The following SERPINB11 variants were observed in gnomAD, a reference collection of about 807,000 sequenced individuals.
SERPINB11 encodes the protein serpin B11.
SERPINB11 carries 32 observed loss-of-function variants against 36.7 expected under a neutral mutation model. That is an observed-to-expected ratio of 0.87 (90% CI 0.66 to 1.17). The LOEUF (loss-of-function observed/expected upper bound fraction) is 1.17, where lower values mean the gene tolerates loss of function less well. Among genes scored for constraint, SERPINB11 ranks in the 50% most tolerant of loss-of-function variants. The pLI, the probability that SERPINB11 is intolerant of heterozygous loss-of-function variation, is 0.00. For synonymous variants in SERPINB11, 174 were observed against 168.1 expected (o/e 1.04, Z -0.27); for missense variants, 528 against 458.4 (o/e 1.15, Z -1.39).
At chr18:63,722,727 G>A (rs1459131179) in intron 7 of SERPINB11, among the ~76,000 whole-genome samples, 1 of 152,212 alleles carries the variant, frequency 6.6e-6, no homozygotes, top group Admixed American at 6.5e-5. Flanking sequence ...GAAGTGCAGT[G>A]AAGCATGTAT....
chr18:63,718,480 G>C (rs959192774), intron 5 of SERPINB11, among the ~76,000 whole-genome samples: 22 of 151,882 alleles, frequency 1.4e-4, no homozygotes, highest in Admixed American at 1.3e-3. Flanking sequence ...ATTTTCCTAT[G>C]TTGAAGTTTT....
chr18:63,712,825 T>A, intron 4 of SERPINB11, 132 bp downstream of exon 4: 1 of 1,027,176 alleles, frequency 9.7e-7, no homozygotes, highest in Admixed American at 2.4e-5. Flanking sequence ...TAACTTACAG[T>A]TTCAGTGAAA....
At chr18:63,714,503 T>G (rs1914615178) in intron 4 of SERPINB11, among the ~76,000 whole-genome samples, 1 of 152,156 alleles carries the variant, frequency 6.6e-6, no homozygotes, top group African/African-American at 2.4e-5. Flanking sequence ...ATTTCATCCC[T>G]TATCTACAAC....
intron 1 of SERPINB11, among the ~76,000 whole-genome samples, chr18:63,709,758 T>C (rs1167471216): frequency 6.6e-6 from 1 of 152,122 alleles, no homozygotes; most frequent in Non-Finnish European, 1.5e-5. Context: ...CAAAAGCGGG[T>C]AGTCTAGTGG....
intron 7 of SERPINB11, among the ~76,000 whole-genome samples, chr18:63,721,901 T>G (rs912743962): frequency 4.2e-4 from 64 of 152,226 alleles, no homozygotes; most frequent in African/African-American, 1.5e-3. Context: ...CCTAAGGGCC[T>G]GTGGTTGACT....
intron 1 of SERPINB11, among the ~76,000 whole-genome samples, chr18:63,709,489 TAGTC>T (rs1239382237): frequency 6.6e-6 from 1 of 152,006 alleles, no homozygotes; most frequent in African/African-American, 2.4e-5. Flanking sequence ...CAGGCGCCTG[TAGTC>T]CCAGCTACTC....
chr18:63,723,477 C>A lies in SERPINB11; in HGVS notation c.*78C>A. The A allele has an allele frequency of 7.5e-7, 1 of 1,334,972 alleles. No individual in the cohort carries two copies. The allele number at this position is 1,334,972 out of a possible 1,614,324, so 82.7% of individuals were successfully genotyped here. On this transcript the variant is annotated 3_prime_UTR_variant, in exon 8 of 8. Transcript: ENST00000544088. Reference sequence around the variant, plus strand: ...CTGTGACTTTCCCACGGCCAAAAAGCTGTTCACACCTCACACACCTCTGTG... The same window carrying A: ...CTGTGACTTTCCCACGGCCAAAAAGATGTTCACACCTCACACACCTCTGTG...
intron 2 of SERPINB11, 24 bp downstream of exon 2, chr18:63,710,385 T>C: frequency 6.3e-7 from 1 of 1,590,644 alleles, no homozygotes; most frequent in East Asian, 2.3e-5. Flanking sequence ...CAGAGGTTTG[T>C]TCAGAACCCA....
At chr18:63,711,290 T>G in intron 2 of SERPINB11, 45 bp from the exon 3 acceptor site, 1 of 1,313,826 alleles carries the variant, frequency 7.6e-7, no homozygotes, top group Non-Finnish European at 1.1e-6. Flanking sequence ...TTATAGACTG[T>G]ACATTGCTTC....
chr18:63,722,377 G>T (rs1196170532), intron 7 of SERPINB11, among the ~76,000 whole-genome samples: 5 of 152,124 alleles, frequency 3.3e-5, no homozygotes, highest in Admixed American at 6.6e-5. Flanking sequence ...CGTTTGAAAG[G>T]TTTACAAACA....
At position 63,710,184 on chromosome 18, in the gene SERPINB11, C is replaced by T. The variant is rs374468787; in HGVS notation, c.-10C>T. ...TTTTTCCCTTCTGTTCTCAGGCAGT[C>T]GGCATAAAAATGGGTTCTCTCAGCA... On this transcript the variant is annotated 5_prime_UTR_variant, in exon 2 of 8. Coordinates refer to ENST00000544088, the MANE Select transcript of SERPINB11 (RefSeq NM_001370475.1). 4.1e-5 allele frequency: 65 copies of T among 1,598,518 alleles called. No homozygotes were observed. In the African/African-American group the frequency reaches 4.6e-4, roughly 11 times the overall value.
At chr18:63,704,875 C>G (rs961449654) in intron 1 of SERPINB11, among the ~76,000 whole-genome samples, 2 of 152,134 alleles carry the variant, frequency 1.3e-5, no homozygotes, top group East Asian at 3.9e-4. Flanking sequence ...TGCTGATATT[C>G]ATCATGGCAC....
At chr18:63,716,795 C>A (rs1309444605) in intron 5 of SERPINB11, among the ~76,000 whole-genome samples, 3 of 149,366 alleles carry the variant, frequency 2.0e-5, no homozygotes, top group Middle Eastern at 3.2e-3. Flanking sequence ...CCAGTTGGCT[C>A]TTTTTTTTTT....
At chr18:63,712,723 C>G in intron 4 of SERPINB11, 30 bp downstream of exon 4, 3 of 1,601,090 alleles carry the variant, frequency 1.9e-6, no homozygotes. Flanking sequence ...TGATCAACAA[C>G]TTTCTTGGCG....
chr18:63,709,791 C>T (rs1289387334), intron 1 of SERPINB11, among the ~76,000 whole-genome samples: 2 of 152,018 alleles, frequency 1.3e-5, no homozygotes, highest in Non-Finnish European at 2.9e-5. Context: ...ACTGGCTGAT[C>T]GTGTGTAGCT....
intron 5 of SERPINB11, among the ~76,000 whole-genome samples, chr18:63,718,153 G>A (rs937986596): frequency 4.6e-5 from 7 of 151,772 alleles, no homozygotes; most frequent in South Asian, 4.1e-4. Flanking sequence ...TCTTTCATTC[G>A]TCAATTTGTT....
intron 6 of SERPINB11, 158 bp downstream of exon 6, chr18:63,720,313 T>A: frequency 1.5e-6 from 1 of 672,640 alleles, no homozygotes; most frequent in Non-Finnish European, 2.4e-6. Flanking sequence ...TTTCCTTTAT[T>A]AAGTGACAAT....
chr18:63,721,932 G>A (rs1395264), intron 7 of SERPINB11, among the ~76,000 whole-genome samples: 1,868 of 152,300 alleles, frequency 0.012, 22 homozygotes, highest in African/African-American at 0.034. Context: ...ACATTTGGAG[G>A]CATAATGCAG....
Position 63,710,325 on chromosome 18 carries a change from T to C in SERPINB11, c.132T>C (p.Leu44=), listed in dbSNP as rs1472688854. 6.2e-6 allele frequency: 10 copies of C among 1,613,558 alleles called. No homozygotes were observed. Among genetic ancestry groups the C allele is most frequent in the Non-Finnish European group, 8.5e-6 (10 of 1,179,660 alleles). The change falls in exon 2 of 8, where the codon CTT becomes CTC. Residue 44 remains leucine, a synonymous_variant. Coordinates refer to ENST00000544088, the MANE Select transcript of SERPINB11 (RefSeq NM_001370475.1). ...SLLYALSMVL[L]GARGETEEQL... Reference sequence around the variant, plus strand: ...TTTATGCTCTAAGCATGGTCCTCCTTGGTGCCAGGGGAGAGACTGAAGAGC... The same window carrying C: ...TTTATGCTCTAAGCATGGTCCTCCTCGGTGCCAGGGGAGAGACTGAAGAGC...
Sources: allele counts gnomAD v4.1 joint callset (sites outside exome capture counted in the v4.1 genomes callset), GRCh38; gene constraint gnomAD v4.1.1; transcripts MANE v1.5; gene names NCBI Gene and HGNC (gene_info 2026-07-23, HGNC 2026-07-21).